KCNJ6: variants seen among roughly 807,000 people sequenced by gnomAD.
KCNJ6 encodes the protein G protein-activated inward rectifier potassium channel 2.
KCNJ6 carries 9 observed loss-of-function variants against 34.2 expected under a neutral mutation model. The ratio of observed to expected loss-of-function variants is 0.26; its 90% CI spans 0.16 to 0.46. KCNJ6 has a LOEUF of 0.46. KCNJ6 is among the 20% of genes least tolerant of loss of function. The pLI, the probability that KCNJ6 is intolerant of heterozygous loss-of-function variation, is 1.00. For synonymous variants in KCNJ6, 196 were observed against 207.1 expected (o/e 0.95, Z 0.46); for missense variants, 236 against 531.3 (o/e 0.44, Z 5.46).
In KCNJ6 at chr21:37,881,233, G is replaced by A. The variant is rs900826521; in HGVS notation, c.-28+34651C>T. Among the ~76,000 whole-genome samples the A allele has an allele frequency of 3.3e-5, 5 of 152,340 alleles. No individual in the cohort carries two copies. In the South Asian group the frequency reaches 6.2e-4, roughly 19 times the overall value. ...TGGAAAGCTCCGGGATTCTGATGTG[G>A]AGAAAGTTGTAGAAAGTAAATATAT... On this transcript the variant is annotated intron_variant, in intron 1 of 3. Coordinates refer to ENST00000609713, the MANE Select transcript of KCNJ6 (RefSeq NM_002240.5).
chr21:37,771,633 G>T (rs1285581386), intron 2 of KCNJ6, among the ~76,000 whole-genome samples: 1 of 152,190 alleles, frequency 6.6e-6, no homozygotes, highest in Non-Finnish European at 1.5e-5. Context: ...GGTCCCAGAA[G>T]TGAGGCTACA....
At chr21:37,729,236 T>C (rs1601441715) in intron 2 of KCNJ6, among the ~76,000 whole-genome samples, 1 of 151,328 alleles carries the variant, frequency 6.6e-6, no homozygotes, top group Admixed American at 6.6e-5. Flanking sequence ...TATGGCTGGG[T>C]AAAATGTGCA....
At chr21:37,822,273 C>T (rs1425583375) in intron 2 of KCNJ6, among the ~76,000 whole-genome samples, 1 of 152,150 alleles carries the variant, frequency 6.6e-6, no homozygotes, top group Non-Finnish European at 1.5e-5. Flanking sequence ...TTGATAGGCA[C>T]CTGTTGTCTA....
intron 2 of KCNJ6, among the ~76,000 whole-genome samples, chr21:37,809,475 T>C (rs554709231): frequency 0.021 from 3,190 of 151,746 alleles, 55 homozygotes; most frequent in South Asian, 0.065. Flanking sequence ...TGTATACACA[T>C]GTAACAAACC....
At chr21:37,648,244 A>G (rs1464934491) in intron 3 of KCNJ6, among the ~76,000 whole-genome samples, 3 of 152,222 alleles carry the variant, frequency 2.0e-5, no homozygotes, top group African/African-American at 7.2e-5. Context: ...CACTGAGGCC[A>G]GGGAGCTCTG....
intron 2 of KCNJ6, among the ~76,000 whole-genome samples, chr21:37,838,885 T>C (rs2055465242): frequency 6.6e-6 from 1 of 152,228 alleles, no homozygotes; most frequent in South Asian, 2.1e-4. Flanking sequence ...AGTGCTGCTC[T>C]AGTGATACTG....
chr21:37,892,337 G>A (rs113440368), intron 1 of KCNJ6, among the ~76,000 whole-genome samples: 5 of 152,306 alleles, frequency 3.3e-5, no homozygotes, highest in African/African-American at 9.6e-5. Flanking sequence ...CTGGCTGATC[G>A]TAAAGTCACC....
intron 3 of KCNJ6, among the ~76,000 whole-genome samples, chr21:37,685,902 A>G (rs1709827): frequency 0.88 from 134,179 of 151,748 alleles, 60,060 homozygotes; most frequent in Non-Finnish European, 0.95. Flanking sequence ...AATTAATAAA[A>G]AGCAGTTGAC....
At chr21:37,678,159 T>C (rs1219360867) in intron 3 of KCNJ6, among the ~76,000 whole-genome samples, 1 of 152,044 alleles carries the variant, frequency 6.6e-6, no homozygotes, top group Admixed American at 6.6e-5. Context: ...TGGGACCTAT[T>C]AGGAGAGCCT....
intron 2 of KCNJ6, among the ~76,000 whole-genome samples, chr21:37,797,815 T>C (rs2055250793): frequency 6.6e-6 from 1 of 152,176 alleles, no homozygotes; most frequent in African/African-American, 2.4e-5. Flanking sequence ...TGTGTGGAGC[T>C]ATGGCAGCCT....
intron 3 of KCNJ6, among the ~76,000 whole-genome samples, chr21:37,683,337 C>G (rs1422237878): frequency 1.3e-5 from 2 of 152,170 alleles, no homozygotes; most frequent in Non-Finnish European, 2.9e-5. Context: ...AGAAGCCCCC[C>G]TTTCTGGAGG....
chr21:37,760,135 C>T (rs1034639177), intron 2 of KCNJ6, among the ~76,000 whole-genome samples: 2 of 152,216 alleles, frequency 1.3e-5, no homozygotes, highest in East Asian at 3.9e-4. Context: ...ATGGAACCTA[C>T]AAGAGAATAA....
intron 2 of KCNJ6, among the ~76,000 whole-genome samples, chr21:37,825,835 G>C (rs2055396451): frequency 6.6e-6 from 1 of 152,180 alleles, no homozygotes; most frequent in Non-Finnish European, 1.5e-5. Flanking sequence ...CAAGCAAAAG[G>C]GGAAACCCTT....
rs555890453 is a variant in KCNJ6, at chr21:37,820,153, C to T, written c.25+20505G>A. Among the ~76,000 whole-genome samples the T allele has an allele frequency of 3.7e-4, 56 of 152,276 alleles. No individual in the cohort carries two copies. In the South Asian group the frequency reaches 0.012, roughly 32 times the overall value. ...AAAGAAAACAAACTGCAACTAATTACACGGTTGTAACTCACAGAAAATGTA... is the reference window on the plus strand; with the variant it reads ...AAAGAAAACAAACTGCAACTAATTATACGGTTGTAACTCACAGAAAATGTA... On this transcript the variant is annotated intron_variant, in intron 2 of 3. Coordinates refer to ENST00000609713, the MANE Select transcript of KCNJ6 (RefSeq NM_002240.5).
chr21:37,676,463 C>T (rs1265033064), intron 3 of KCNJ6, among the ~76,000 whole-genome samples: 1 of 152,226 alleles, frequency 6.6e-6, no homozygotes, highest in African/African-American at 2.4e-5. Flanking sequence ...ATGAAGTGGA[C>T]AGCCCAGTGC....
At position 37,793,433 on chromosome 21, in the gene KCNJ6, T is replaced by C. The variant is rs544410384; in HGVS notation, c.25+47225A>G. Among the ~76,000 whole-genome samples, 336 of 152,128 alleles carry C rather than the reference T, an allele frequency of 2.2e-3. 2 individuals carry two copies. The highest frequency in any genetic ancestry group is 7.5e-3 in the African/African-American group (313 of 41,520). On this transcript the variant is annotated intron_variant, in intron 2 of 3. Coordinates refer to ENST00000609713, the MANE Select transcript of KCNJ6 (RefSeq NM_002240.5). ...ACACAACGGAATTAAAAGTCATCCCTTTCTTGGCACATCTGTTCTGGATCA... is the reference window on the plus strand; with the variant it reads ...ACACAACGGAATTAAAAGTCATCCCCTTCTTGGCACATCTGTTCTGGATCA...
intron 2 of KCNJ6, among the ~76,000 whole-genome samples, chr21:37,758,239 G>T (rs1340311416): frequency 1.3e-5 from 2 of 151,968 alleles, no homozygotes; most frequent in Non-Finnish European, 2.9e-5. Flanking sequence ...CTGATGGTGT[G>T]TGGGTTCTCT....
At chr21:37,647,310 TG>T (rs1569436956) in intron 3 of KCNJ6, among the ~76,000 whole-genome samples, 1 of 152,104 alleles carries the variant, frequency 6.6e-6, no homozygotes, top group Non-Finnish European at 1.5e-5. Context: ...CATAAAGACT[TG>T]GCCGACAGAT....
chr21:37,906,350 G>C (rs956061563), intron 1 of KCNJ6, among the ~76,000 whole-genome samples: 7 of 152,166 alleles, frequency 4.6e-5, no homozygotes, highest in African/African-American at 1.7e-4. Flanking sequence ...CCTGGCTCTT[G>C]CATGAGCCTG....
Sources: allele counts gnomAD v4.1 joint callset (sites outside exome capture counted in the v4.1 genomes callset), GRCh38; gene constraint gnomAD v4.1.1; transcripts MANE v1.5; gene names NCBI Gene and HGNC (gene_info 2026-07-23, HGNC 2026-07-21).